STXBP5L: variants seen among roughly 807,000 people sequenced by gnomAD.
STXBP5L encodes syntaxin binding protein 5L.
A neutral mutation model predicts 144.5 loss-of-function variants in STXBP5L; 65 were observed. The ratio of observed to expected loss-of-function variants is 0.45; its 90% CI spans 0.37 to 0.55. The LOEUF is 0.55. Ranked by LOEUF, STXBP5L falls within the 20% of genes least tolerant of loss-of-function variation. The pLI, the probability that STXBP5L is intolerant of heterozygous loss-of-function variation, is 0.00. For missense variants in STXBP5L, 1,298 were observed against 1,405.5 expected (o/e 0.92, Z 1.22); for synonymous variants, 505 against 469.6 (o/e 1.08, Z -0.97).
At chr3:121,386,411 A>G (rs2046426698) in intron 22 of STXBP5L, among the ~76,000 whole-genome samples, 1 of 151,974 alleles carries the variant, frequency 6.6e-6, no homozygotes, top group East Asian at 1.9e-4. Context: ...TTATTTATTT[A>G]TTTTATTATA....
intron 20 of STXBP5L, among the ~76,000 whole-genome samples, chr3:121,331,823 TA>T (rs1390424271): frequency 6.6e-6 from 1 of 151,922 alleles, no homozygotes; most frequent in African/African-American, 2.4e-5. Flanking sequence ...AATAACTAAA[TA>T]AAAAAGTGCA....
At chr3:121,164,771 G>A (rs2046442949) in intron 9 of STXBP5L, among the ~76,000 whole-genome samples, 1 of 152,174 alleles carries the variant, frequency 6.6e-6, no homozygotes, top group African/African-American at 2.4e-5. Context: ...ATTATGCTAA[G>A]TGAAATAAGC....
At chr3:121,008,780 A>T (rs1944546375) in intron 3 of STXBP5L, among the ~76,000 whole-genome samples, 1 of 151,990 alleles carries the variant, frequency 6.6e-6, no homozygotes, top group Admixed American at 6.6e-5. Flanking sequence ...AGGCAATTTT[A>T]TATGGAATTT....
At chr3:121,023,420 A>G (rs1259596751) in intron 3 of STXBP5L, among the ~76,000 whole-genome samples, 1 of 152,204 alleles carries the variant, frequency 6.6e-6, no homozygotes, top group Non-Finnish European at 1.5e-5. Context: ...GAACCAAAAA[A>G]GAGCCCACCT....
rs532650865 is a variant in STXBP5L, at chr3:121,310,701, GAGTTT to G, written c.2111-7773_2111-7769del. Among the ~76,000 whole-genome samples, 194 of 151,676 alleles carry G rather than the reference GAGTTT, an allele frequency of 1.3e-3. 2 individuals are homozygous for G. Among genetic ancestry groups the G allele is most frequent in the South Asian group, 4.0e-3 (19 of 4,796 alleles). ...AGGCAGGTAGACCACTGGAGGTCAGGAGTTTGAGACCAGCCTGGCCAACATGGTGA... is the reference window on the plus strand; with the variant it reads ...AGGCAGGTAGACCACTGGAGGTCAGGGAGACCAGCCTGGCCAACATGGTGA... On this transcript the variant is annotated intron_variant, in intron 19 of 26. Transcript: ENST00000471454.
intron 20 of STXBP5L, among the ~76,000 whole-genome samples, chr3:121,319,316 G>T (rs1260120197): frequency 6.6e-6 from 1 of 151,924 alleles, no homozygotes; most frequent in Non-Finnish European, 1.5e-5. Context: ...ATTTTAATTT[G>T]AACCTTATAC....
chr3:121,372,526 C>T (rs531639535), intron 20 of STXBP5L, among the ~76,000 whole-genome samples: 29 of 152,280 alleles, frequency 1.9e-4, no homozygotes, highest in Admixed American at 1.8e-3. Context: ...ATTCCAGAGG[C>T]CCATGGCGAT....
intron 3 of STXBP5L, among the ~76,000 whole-genome samples, chr3:121,003,580 G>A (rs1286603275): frequency 1.3e-5 from 2 of 152,090 alleles, no homozygotes; most frequent in South Asian, 4.1e-4. Context: ...GTCAATTTTG[G>A]CTTTTGTTGC....
chr3:121,277,361 C>T (rs146226608), intron 18 of STXBP5L, among the ~76,000 whole-genome samples: 17 of 151,990 alleles, frequency 1.1e-4, no homozygotes, highest in Admixed American at 2.0e-4. Context: ...TAAGTTTTAA[C>T]GTATTAATTT....
At chr3:121,076,099 G>T (rs2042007826) in intron 5 of STXBP5L, among the ~76,000 whole-genome samples, 6 of 152,154 alleles carry the variant, frequency 3.9e-5, no homozygotes, top group Admixed American at 3.3e-4. Context: ...GAGCTGTTCT[G>T]CCCCTTGGAC....
At chr3:121,342,043 C>A (rs2044733432) in intron 20 of STXBP5L, among the ~76,000 whole-genome samples, 1 of 151,930 alleles carries the variant, frequency 6.6e-6, no homozygotes, top group African/African-American at 2.4e-5. Context: ...TGATAGATAT[C>A]ACATTTACCC....
intron 2 of STXBP5L, among the ~76,000 whole-genome samples, chr3:120,911,378 G>A (rs1293850571): frequency 6.6e-6 from 1 of 152,046 alleles, no homozygotes; most frequent in Non-Finnish European, 1.5e-5. Flanking sequence ...GGTAGGAAGA[G>A]CACTGGCCTA....
intron 5 of STXBP5L, among the ~76,000 whole-genome samples, chr3:121,086,631 T>C (rs2042507457): frequency 6.6e-6 from 1 of 152,094 alleles, no homozygotes; most frequent in Admixed American, 6.6e-5. Flanking sequence ...TTTAGATTTT[T>C]CTGAATATTG....
chr3:121,234,148 A>G (rs2049394624), intron 12 of STXBP5L, among the ~76,000 whole-genome samples: 6 of 152,112 alleles, frequency 3.9e-5, no homozygotes, highest in Admixed American at 3.9e-4. Context: ...AATTGAAACA[A>G]CTGTAGAATA....
At chr3:121,091,985 T>C (rs895866674) in intron 5 of STXBP5L, among the ~76,000 whole-genome samples, 4 of 152,206 alleles carry the variant, frequency 2.6e-5, no homozygotes, top group African/African-American at 9.6e-5. Context: ...GTTTCAGCTT[T>C]CTACATATGG....
chr3:120,956,524 C>A (rs1938056322), intron 3 of STXBP5L, among the ~76,000 whole-genome samples: 1 of 151,902 alleles, frequency 6.6e-6, no homozygotes, highest in South Asian at 2.1e-4. Flanking sequence ...CTTTTTAAGA[C>A]TGAATAATAT....
chr3:121,311,875 G>A (rs1482157133), intron 19 of STXBP5L, among the ~76,000 whole-genome samples: 7 of 152,054 alleles, frequency 4.6e-5, no homozygotes, highest in African/African-American at 9.6e-5. Context: ...AAAAGAGCCC[G>A]CATCACCAAG....
intron 3 of STXBP5L, among the ~76,000 whole-genome samples, chr3:121,005,970 A>T (rs950833214): frequency 6.6e-6 from 1 of 152,156 alleles, no homozygotes; most frequent in African/African-American, 2.4e-5. Flanking sequence ...CTTTACTTCC[A>T]ACTATGTGGT....
intron 7 of STXBP5L, among the ~76,000 whole-genome samples, chr3:121,136,606 G>A (rs1270850880): frequency 1.3e-5 from 2 of 152,180 alleles, no homozygotes; most frequent in Non-Finnish European, 2.9e-5. Flanking sequence ...GAGAGAATAG[G>A]TAACACTTGT....
Sources: allele counts gnomAD v4.1 joint callset (sites outside exome capture counted in the v4.1 genomes callset), GRCh38; gene constraint gnomAD v4.1.1; transcripts MANE v1.5; gene names NCBI Gene and HGNC (gene_info 2026-07-23, HGNC 2026-07-21).